Variants in TMEM272 observed in about 807,000 individuals in gnomAD.
TMEM272 encodes long intergenic non-protein coding RNA 282.
In TMEM272, 8 loss-of-function variants were observed where a neutral mutation model predicts 3.7. That is an observed-to-expected ratio of 2.17 (90% CI 1.27 to 3.91). The LOEUF is 3.91. Ranked by LOEUF, TMEM272 falls within the 30% of genes most tolerant of loss-of-function variation. The probability of loss-of-function intolerance (pLI) is 0.00; values close to 1 mark genes in which losing one functional copy is unlikely to be tolerated. For synonymous variants in TMEM272, 63 were observed against 39.8 expected, an observed-to-expected ratio of 1.58 and a Z score of -2.20; for missense variants, 166 against 91.5, an observed-to-expected ratio of 1.81 and a Z score of -3.32.
chr13:51,882,543 A>G, the TMEM272 span, among the ~76,000 whole-genome samples: 1 of 152,124 alleles, frequency 6.6e-6, no homozygotes, highest in Admixed American at 6.5e-5. Context: ...TCTTCAAATG[A>G]ACCAACAGTT....
the TMEM272 span, among the ~76,000 whole-genome samples, chr13:51,897,394 T>TTTG: frequency 7.4e-6 from 1 of 134,418 alleles, no homozygotes; most frequent in African/African-American, 2.8e-5. Context: ...TTTTTTTTTT[T>TTTG]GTAGAGATGG....
At chr13:51,833,383 A>C (rs1332354854) in intron 2 of TMEM272, among the ~76,000 whole-genome samples, 1 of 152,164 alleles carries the variant, frequency 6.6e-6, no homozygotes, top group Non-Finnish European at 1.5e-5. Context: ...TAATATCATC[A>C]AATAATAATC....
At chr13:51,873,202 T>A in the TMEM272 span, among the ~76,000 whole-genome samples, 1 of 152,226 alleles carries the variant, frequency 6.6e-6, no homozygotes, top group African/African-American at 2.4e-5. Flanking sequence ...GTAGTAAGTA[T>A]GGAGAAAACT....
At chr13:51,897,093 G>C in the TMEM272 span, among the ~76,000 whole-genome samples, 1 of 152,242 alleles carries the variant, frequency 6.6e-6, no homozygotes. Flanking sequence ...AGTGGCCCAG[G>C]TGAATACAGA....
At chr13:51,847,251 G>A (rs981836765), upstream of TMEM272, among the ~76,000 whole-genome samples, 1 of 152,182 alleles carries the variant, frequency 6.6e-6, no homozygotes, top group Non-Finnish European at 1.5e-5. Context: ...CCCCACAGCA[G>A]GAGATGAGTG....
Position 51,815,747 on chromosome 13 carries a change from C to G in TMEM272, c.*1004G>C, listed in dbSNP as rs994106168. 1.3e-5 allele frequency: 2 copies of G among 152,256 alleles called. No individual in the cohort carries two copies. The highest frequency in any genetic ancestry group is 2.9e-5 in the Non-Finnish European group (2 of 68,052). 9.4% of individuals were successfully genotyped at this position (152,256 alleles called of 1,614,324 possible). A position where few individuals can be genotyped will look rare whatever the true frequency, so the allele number is the denominator to read the frequency against. ...CACTGACAACAGACCTGGACTTCAT[C>G]TCTCAACAGCGGCAGCCAGAGGGAA... On this transcript the variant is annotated 3_prime_UTR_variant, in exon 5 of 5. Transcript: ENST00000629372.
chr13:51,829,221 AT>A (rs1956152041), intron 2 of TMEM272, among the ~76,000 whole-genome samples: 1 of 152,238 alleles, frequency 6.6e-6, no homozygotes, highest in Non-Finnish European at 1.5e-5. Context: ...AACTGACATT[AT>A]GCAATATTAA....
chr13:51,920,163 AGCTGCTGCCTGTATTTTGC>A, the TMEM272 span, among the ~76,000 whole-genome samples: 55,103 of 151,908 alleles, frequency 0.36, 10,480 homozygotes, highest in East Asian at 0.5. Context: ...GAAAGATGTG[AGCTGCTGCCTGTATTTTGC>A]GCTGCTGCCT....
At chr13:51,898,817 T>G in the TMEM272 span, among the ~76,000 whole-genome samples, 2 of 151,966 alleles carry the variant, frequency 1.3e-5, no homozygotes, top group African/African-American at 2.4e-5. Flanking sequence ...TAAAAATGAC[T>G]GTGCCACCGG....
the TMEM272 span, among the ~76,000 whole-genome samples, chr13:51,919,389 G>A: frequency 6.6e-6 from 1 of 152,048 alleles, no homozygotes; most frequent in Non-Finnish European, 1.5e-5. Context: ...AAATATAGCT[G>A]AAGGCCCCGA....
At chr13:51,927,981 G>T in the TMEM272 span, among the ~76,000 whole-genome samples, 1 of 151,942 alleles carries the variant, frequency 6.6e-6, no homozygotes, top group Admixed American at 6.6e-5. Context: ...TTTGAACTCG[G>T]GTCTGCCCCA....
the TMEM272 span, among the ~76,000 whole-genome samples, chr13:51,890,537 T>C: frequency 1.3e-5 from 2 of 152,200 alleles, no homozygotes; most frequent in African/African-American, 4.8e-5. Context: ...TTGTACAGCC[T>C]GCAGAACCAT....
At chr13:51,825,513 C>G (rs940333999) in intron 3 of TMEM272, among the ~76,000 whole-genome samples, 1 of 152,186 alleles carries the variant, frequency 6.6e-6, no homozygotes, top group Non-Finnish European at 1.5e-5. Flanking sequence ...AATTAGGGTA[C>G]TGGGTGTTTC....
chr13:51,931,995 T>A, the TMEM272 span, among the ~76,000 whole-genome samples: 1 of 152,220 alleles, frequency 6.6e-6, no homozygotes, highest in Admixed American at 6.5e-5. Flanking sequence ...GTACGTAGTC[T>A]GTGTCAATGG....
chr13:51,911,130 T>C, the TMEM272 span, among the ~76,000 whole-genome samples: 2 of 152,252 alleles, frequency 1.3e-5, no homozygotes, highest in Non-Finnish European at 2.9e-5. Context: ...ATCTGTTGCC[T>C]GAAATCATTA....
the TMEM272 span, among the ~76,000 whole-genome samples, chr13:51,903,327 T>C: frequency 1.3e-5 from 2 of 152,176 alleles, no homozygotes; most frequent in Non-Finnish European, 2.9e-5. Flanking sequence ...CTAACTATAG[T>C]GTCTTCCCTT....
chr13:51,931,906 T>TG, the TMEM272 span, among the ~76,000 whole-genome samples: 6 of 152,048 alleles, frequency 3.9e-5, no homozygotes, highest in African/African-American at 1.2e-4. Context: ...GACGTGGATA[T>TG]GGGGGAGAAC....
the TMEM272 span, chr13:51,930,321 C>G: frequency 1.3e-5 from 2 of 152,276 alleles, no homozygotes; most frequent in Admixed American, 6.5e-5. Context: ...AAAGTAGATT[C>G]TGGGATTTCA....
At chr13:51,837,081 G>A (rs561123735) in intron 2 of TMEM272, among the ~76,000 whole-genome samples, 1 of 152,308 alleles carries the variant, frequency 6.6e-6, no homozygotes, top group East Asian at 1.9e-4. Flanking sequence ...GCTGAAGACG[G>A]AGTTATTCAT....
Sources: allele counts gnomAD v4.1 joint callset (sites outside exome capture counted in the v4.1 genomes callset), GRCh38; gene constraint gnomAD v4.1.1; transcripts MANE v1.5; gene names NCBI Gene and HGNC (gene_info 2026-07-23, HGNC 2026-07-21).